Variants in SGCZ observed in about 807,000 individuals in gnomAD.
The protein encoded by SGCZ is sarcoglycan zeta, also known as zeta-sarcoglycan.
A neutral mutation model predicts 41.3 loss-of-function variants in SGCZ; 40 were observed. That is an observed-to-expected ratio of 0.97 (90% CI 0.75 to 1.26). The LOEUF is 1.26. Among genes scored for constraint, SGCZ ranks in the 50% most tolerant of loss-of-function variants. SGCZ has a pLI of 0.00. For missense variants in SGCZ, 552 were observed against 369.8 expected, an observed-to-expected ratio of 1.49 and a Z score of -4.04; for synonymous variants, 206 against 137.5, an observed-to-expected ratio of 1.50 and a Z score of -3.49.
intron 1 of SGCZ, among the ~76,000 whole-genome samples, chr8:14,736,731 G>C (rs575941961): frequency 2.0e-5 from 3 of 152,148 alleles, no homozygotes; most frequent in South Asian, 2.1e-4. Context: ...ACGATGTTTG[G>C]TTTTCCATTC....
intron 1 of SGCZ, among the ~76,000 whole-genome samples, chr8:14,668,233 T>C (rs1009287476): frequency 3.3e-5 from 5 of 152,214 alleles, no homozygotes; most frequent in Non-Finnish European, 7.3e-5. Flanking sequence ...GTGCTGGGAT[T>C]ACAGGCGTGA....
chr8:14,137,381 C>T (rs542792873), intron 5 of SGCZ, among the ~76,000 whole-genome samples: 2 of 152,232 alleles, frequency 1.3e-5, no homozygotes, highest in East Asian at 1.9e-4. Flanking sequence ...CAAACTCCTC[C>T]GAGCTAAAGG....
intron 2 of SGCZ, among the ~76,000 whole-genome samples, chr8:14,451,757 A>G (rs998046234): frequency 3.3e-5 from 5 of 152,224 alleles, no homozygotes; most frequent in Non-Finnish European, 7.4e-5. Context: ...AACATTGTAT[A>G]TCATTTAATA....
At chr8:15,156,057 C>CTTAAAAAAAAA (rs1799320763) in intron 1 of SGCZ, among the ~76,000 whole-genome samples, 1 of 110,930 alleles carries the variant, frequency 9.0e-6, no homozygotes, top group Non-Finnish European at 1.8e-5. Flanking sequence ...GATTCCCTCT[C>CTTAAAAAAAAA]AAAAAAAAAA....
chr8:14,435,052 T>C (rs139063217), intron 2 of SGCZ, among the ~76,000 whole-genome samples: 1 of 152,240 alleles, frequency 6.6e-6, no homozygotes, highest in East Asian at 1.9e-4. Flanking sequence ...AATGCTATAA[T>C]TAGAATGATG....
intron 2 of SGCZ, among the ~76,000 whole-genome samples, chr8:14,438,647 G>C (rs1006645464): frequency 6.6e-6 from 1 of 151,952 alleles, no homozygotes; most frequent in African/African-American, 2.4e-5. Flanking sequence ...GATAAATTTT[G>C]TATTAAAATG....
intron 1 of SGCZ, among the ~76,000 whole-genome samples, chr8:14,613,340 T>C (rs944839828): frequency 6.6e-6 from 1 of 152,222 alleles, no homozygotes; most frequent in Non-Finnish European, 1.5e-5. Flanking sequence ...AGTAAGTTTA[T>C]GAACGTACGA....
chr8:15,098,824 C>A (rs10111655), intron 1 of SGCZ, among the ~76,000 whole-genome samples: 4 of 152,110 alleles, frequency 2.6e-5, no homozygotes, highest in African/African-American at 7.2e-5. Flanking sequence ...TTTGGGAGGC[C>A]GATGAGGGCG....
At chr8:14,760,904 A>G (rs1799849539) in intron 1 of SGCZ, among the ~76,000 whole-genome samples, 1 of 152,170 alleles carries the variant, frequency 6.6e-6, no homozygotes, top group South Asian at 2.1e-4. Context: ...ATCTCAGTTA[A>G]CTGGCAAAGG....
At chr8:15,060,293 G>A (rs1196129211) in intron 1 of SGCZ, among the ~76,000 whole-genome samples, 2 of 151,962 alleles carry the variant, frequency 1.3e-5, no homozygotes, top group African/African-American at 2.4e-5. Flanking sequence ...TGATAGACTG[G>A]ATTAAGAAAA....
chr8:15,171,676 T>A (rs1044668211), intron 1 of SGCZ, among the ~76,000 whole-genome samples: 5 of 152,248 alleles, frequency 3.3e-5, no homozygotes, highest in Non-Finnish European at 5.9e-5. Flanking sequence ...CTTAATCTTA[T>A]TAGCATGTGA....
intron 1 of SGCZ, among the ~76,000 whole-genome samples, chr8:14,618,347 C>G (rs979625566): frequency 6.6e-6 from 1 of 152,098 alleles, no homozygotes; most frequent in Non-Finnish European, 1.5e-5. Context: ...AAGGCAAGCC[C>G]TGTAGAAAGA....
intron 2 of SGCZ, among the ~76,000 whole-genome samples, chr8:14,371,740 T>C (rs1240293535): frequency 6.6e-6 from 1 of 152,154 alleles, no homozygotes; most frequent in Non-Finnish European, 1.5e-5. Flanking sequence ...CACTGCCAAC[T>C]ATAAATTCAT....
At chr8:15,090,145 G>C (rs142039812) in intron 1 of SGCZ, among the ~76,000 whole-genome samples, 40 of 152,252 alleles carry the variant, frequency 2.6e-4, no homozygotes, top group African/African-American at 9.4e-4. Flanking sequence ...AATTCTGGTT[G>C]AATGTTACAG....
At chr8:14,568,777 G>GA (rs1461061334) in intron 1 of SGCZ, among the ~76,000 whole-genome samples, 1 of 152,174 alleles carries the variant, frequency 6.6e-6, no homozygotes, top group Non-Finnish European at 1.5e-5. Context: ...AGCACTTTGA[G>GA]AATCACCGTA....
chr8:14,801,330 A>C (rs1023708489), intron 1 of SGCZ, among the ~76,000 whole-genome samples: 1 of 152,218 alleles, frequency 6.6e-6, no homozygotes, highest in Non-Finnish European at 1.5e-5. Context: ...CATTTGCTTT[A>C]CTAAGGAAAT....
chr8:14,649,678 A>G (rs1807333948), intron 1 of SGCZ, among the ~76,000 whole-genome samples: 1 of 152,080 alleles, frequency 6.6e-6, no homozygotes, highest in Admixed American at 6.6e-5. Flanking sequence ...CCTAATTGCT[A>G]AACACGTAGA....
chr8:14,584,056 T>C (rs1209907470), intron 1 of SGCZ, among the ~76,000 whole-genome samples: 1 of 152,158 alleles, frequency 6.6e-6, no homozygotes, highest in East Asian at 1.9e-4. Flanking sequence ...TCCTATTCTT[T>C]ATCTCAGGGA....
chr8:14,381,104 A>G (rs1329380790), intron 2 of SGCZ, among the ~76,000 whole-genome samples: 1 of 151,906 alleles, frequency 6.6e-6, no homozygotes, highest in Non-Finnish European at 1.5e-5. Flanking sequence ...AAAAAAAAAT[A>G]CCTTTGTAAA....
Sources: allele counts gnomAD v4.1 joint callset (sites outside exome capture counted in the v4.1 genomes callset), GRCh38; gene constraint gnomAD v4.1.1; transcripts MANE v1.5; gene names NCBI Gene and HGNC (gene_info 2026-07-23, HGNC 2026-07-21).